BCAS3: variants seen among roughly 807,000 people sequenced by gnomAD.
BCAS3 encodes the protein BCAS3 microtubule associated cell migration factor.
BCAS3 carries 53 observed loss-of-function variants against 116.1 expected under a neutral mutation model. That is an observed-to-expected ratio of 0.46 (90% CI 0.37 to 0.57). BCAS3 has a LOEUF of 0.57. BCAS3 is among the 20% of genes least tolerant of loss of function. The pLI is 0.00. For synonymous variants in BCAS3, 391 were observed against 408.2 expected (o/e 0.96, Z 0.51); for missense variants, 917 against 1,165.4 (o/e 0.79, Z 3.10).
chr17:61,188,450 C>T lies in BCAS3; in HGVS notation c.2425+103886C>T, dbSNP rs1327906968. ...CTAGTTTATATTCTGGTATGGACCA[C>T]AAGTCTGGGAGGCAAGTGGATTTTA... On this transcript the variant is annotated intron_variant, in intron 22 of 23. Transcript: ENST00000407086. This position sits in a 1 kb window ranked among gnomAD's most constrained non-coding sequence, Gnocchi z 4.0. Among the ~76,000 whole-genome samples the T allele has an allele frequency of 2.0e-5, 3 of 152,302 alleles. No individual in the cohort carries two copies. The highest frequency in any genetic ancestry group is 6.8e-3 in the Middle Eastern group (2 of 294).
intron 22 of BCAS3, among the ~76,000 whole-genome samples, chr17:61,303,779 A>C (rs935688785): frequency 3.9e-4 from 59 of 152,076 alleles, no homozygotes; most frequent in African/African-American, 1.3e-3. Flanking sequence ...TTCTGCTTAC[A>C]TTTCTGACCT....
intron 7 of BCAS3, among the ~76,000 whole-genome samples, chr17:60,856,687 T>C (rs567893750): frequency 6.6e-6 from 1 of 151,878 alleles, no homozygotes; most frequent in Non-Finnish European, 1.5e-5. Context: ...CCAGACTGTC[T>C]CCAAAAAAAT....
chr17:60,744,713 C>T (rs567231992), intron 5 of BCAS3, among the ~76,000 whole-genome samples: 14 of 151,710 alleles, frequency 9.2e-5, no homozygotes, highest in East Asian at 1.9e-4. Flanking sequence ...CCCCCACCCC[C>T]GAGTTATAAT....
chr17:60,690,565 G>T (rs2034673450), intron 4 of BCAS3, among the ~76,000 whole-genome samples: 1 of 150,552 alleles, frequency 6.6e-6, no homozygotes, highest in Non-Finnish European at 1.5e-5. Flanking sequence ...GTGCAACCCT[G>T]TCTAAAAATA....
At chr17:60,715,413 C>T (rs1260025379) in intron 5 of BCAS3, among the ~76,000 whole-genome samples, 2 of 151,462 alleles carry the variant, frequency 1.3e-5, no homozygotes, top group African/African-American at 2.4e-5. Flanking sequence ...TATACTCTTT[C>T]TTTCATCACT....
At chr17:61,384,247 T>C (rs1199073859) in intron 23 of BCAS3, among the ~76,000 whole-genome samples, 1 of 152,088 alleles carries the variant, frequency 6.6e-6, no homozygotes, top group Non-Finnish European at 1.5e-5. Context: ...TGGCATGGAG[T>C]AGCTGGAGCT....
chr17:61,069,422 A>G (rs1235520169), intron 19 of BCAS3, among the ~76,000 whole-genome samples: 1 of 152,236 alleles, frequency 6.6e-6, no homozygotes, highest in Non-Finnish European at 1.5e-5. Flanking sequence ...GGTGCCAGAG[A>G]CCAGTAGTTG....
chr17:61,070,397 A>ATATATC (rs1218400832), intron 19 of BCAS3: 34 of 175,224 alleles, frequency 1.9e-4, no homozygotes, highest in Non-Finnish European at 3.4e-4. Context: ...ATATATATAT[A>ATATATC]TATCTTTTCA....
At chr17:60,739,252 A>G (rs1031210122) in intron 5 of BCAS3, among the ~76,000 whole-genome samples, 1 of 152,246 alleles carries the variant, frequency 6.6e-6, no homozygotes. Context: ...ACATATATAC[A>G]TACACATACA....
chr17:60,893,158 A>G (rs2057290241), intron 10 of BCAS3, among the ~76,000 whole-genome samples: 1 of 151,998 alleles, frequency 6.6e-6, no homozygotes, highest in African/African-American at 2.4e-5. Flanking sequence ...AGTTGGATGC[A>G]TAATTTACAA....
intron 22 of BCAS3, among the ~76,000 whole-genome samples, chr17:61,172,987 C>CAAATAAATAAAT (rs56769937): frequency 0.043 from 6,408 of 149,656 alleles, 186 homozygotes; most frequent in Non-Finnish European, 0.067. Flanking sequence ...GATTCCATCT[C>CAAATAAATAAAT]AAATAAATAA....
In BCAS3 at chr17:60,737,741, T is replaced by C. The variant is rs1319804169; in HGVS notation, c.322-9457T>C. On this transcript the variant is annotated intron_variant, in intron 5 of 23. Coordinates refer to ENST00000407086, the MANE Select transcript of BCAS3 (RefSeq NM_017679.5). The stretch of plus-strand genomic sequence containing the variant: ...TTTAATTTCTACTTTAATAATTCTA[T>C]TGTGGTCATTTAATGATTTCTGTTC... Among the ~76,000 whole-genome samples, 4 of 151,960 alleles carry C rather than the reference T, an allele frequency of 2.6e-5. No individual in the cohort carries two copies. The East Asian group carries it at 7.7e-4, about 29-fold the overall frequency.
In BCAS3 at chr17:61,387,242, C is replaced by T. The variant is rs984713061; in HGVS notation, c.2594-4735C>T. Among the ~76,000 whole-genome samples the T allele has an allele frequency of 6.6e-6, 1 of 152,220 alleles. No homozygotes were observed. Among genetic ancestry groups the T allele is most frequent in the African/African-American group, 2.4e-5 (1 of 41,458 alleles). On this transcript the variant is annotated intron_variant, in intron 23 of 23. Coordinates refer to ENST00000407086, the MANE Select transcript of BCAS3 (RefSeq NM_017679.5). The surrounding 1 kb of genome is among the most constrained non-coding windows in gnomAD (Gnocchi z 6.2). ...CAACACTGCACTGTGGGTGGAGGTG[C>T]ATGGGCCCATGCTGCACGGCCCAGC...
At chr17:61,038,668 G>GTTTTTTTTTTTTTTTTTTTT (rs1244364326) in intron 18 of BCAS3, among the ~76,000 whole-genome samples, 1 of 113,920 alleles carries the variant, frequency 8.8e-6, no homozygotes, top group Non-Finnish European at 1.9e-5. Flanking sequence ...TTTTGTTTTT[G>GTTTTTTTTTTTTTTTTTTTT]TTTTTTTTTT....
intron 6 of BCAS3, among the ~76,000 whole-genome samples, chr17:60,766,840 C>A (rs556777645): frequency 2.0e-5 from 3 of 152,228 alleles, no homozygotes; most frequent in Admixed American, 1.3e-4. Context: ...TGTTGAGCTG[C>A]GGTGGGCTCC....
rs1327748059 is a variant in BCAS3, at chr17:61,244,012, A to G, written c.2426-124315A>G. ...TGCTATGTTGCCCCAGCTGGTCCTGAACTCCTGGCCTCAAGTGATTCTCCC... is the reference window on the plus strand; with the variant it reads ...TGCTATGTTGCCCCAGCTGGTCCTGGACTCCTGGCCTCAAGTGATTCTCCC... On this transcript the variant is annotated intron_variant, in intron 22 of 23. Coordinates refer to ENST00000407086, the MANE Select transcript of BCAS3 (RefSeq NM_017679.5). The surrounding 1 kb of genome is among the most constrained non-coding windows in gnomAD (Gnocchi z 4.9). Among the ~76,000 whole-genome samples, 1 of 152,006 alleles carries G rather than the reference A, an allele frequency of 6.6e-6. No individual in the cohort carries two copies.
In BCAS3 at chr17:61,151,877, G is replaced by A. The variant is rs1376257780; in HGVS notation, c.2425+67313G>A. Among the ~76,000 whole-genome samples the A allele has an allele frequency of 6.6e-6, 1 of 152,166 alleles. No individual in the cohort carries two copies. The highest frequency in any genetic ancestry group is 1.9e-4 in the East Asian group (1 of 5,202). ...CAATACTCCTCCTGCAAACGTGAAT[G>A]TTCCTAAAATGCACCAGACTTACTA... On this transcript the variant is annotated intron_variant, in intron 22 of 23. Transcript: ENST00000407086. This position sits in a 1 kb window ranked among gnomAD's most constrained non-coding sequence, Gnocchi z 4.8.
rs2053498249 is a variant in BCAS3, at chr17:61,302,130, T to A, written c.2426-66197T>A. Reference sequence around the variant, plus strand: ...TACAGTCAGCTCATTACCTCCTCCCTGTCCCACTCTTGCCATGCCAGGAGA... The same window carrying A: ...TACAGTCAGCTCATTACCTCCTCCCAGTCCCACTCTTGCCATGCCAGGAGA... On this transcript the variant is annotated intron_variant, in intron 22 of 23. Transcript: ENST00000407086. This position sits in a 1 kb window ranked among gnomAD's most constrained non-coding sequence, Gnocchi z 4.4. Among the ~76,000 whole-genome samples the A allele has an allele frequency of 1.3e-5, 2 of 152,140 alleles. No individual in the cohort carries two copies. Among genetic ancestry groups the A allele is most frequent in the Admixed American group, 1.3e-4 (2 of 15,274 alleles).
chr17:61,271,033 A>G (rs1239630373), intron 22 of BCAS3, among the ~76,000 whole-genome samples: 1 of 151,914 alleles, frequency 6.6e-6, no homozygotes, highest in Non-Finnish European at 1.5e-5. Flanking sequence ...CTGGGATTAC[A>G]GGCATGAGCC....
Sources: gnomAD v4.1 joint callset for allele counts (sites outside exome capture counted in the v4.1 genomes callset) on GRCh38, gnomAD v4.1.1 for gene constraint, Gnocchi (gnomAD v3.1) non-coding constraint, MANE v1.5 for transcripts, NCBI Gene and HGNC (gene_info 2026-07-23, HGNC 2026-07-21) for gene names.